Variants in COL28A1 observed in about 807,000 individuals in gnomAD.
COL28A1 encodes collagen alpha-1(XXVIII) chain.
COL28A1 carries 161 observed loss-of-function variants against 150.2 expected under a neutral mutation model. The observed-to-expected ratio is 1.07, with a 90% CI of 0.94 to 1.22. The LOEUF (loss-of-function observed/expected upper bound fraction) is 1.22, where lower values mean the gene tolerates loss of function less well. Ranked by LOEUF, COL28A1 falls within the 50% of genes most tolerant of loss-of-function variation. The pLI, the probability that COL28A1 is intolerant of heterozygous loss-of-function variation, is 0.00. For missense variants in COL28A1, 1,617 were observed against 1,388.3 expected, an observed-to-expected ratio of 1.16 and a Z score of -2.62; for synonymous variants, 552 against 469.7, an observed-to-expected ratio of 1.18 and a Z score of -2.26.
At chr7:7,396,984 C>A (rs985366382) in intron 27 of COL28A1, among the ~76,000 whole-genome samples, 2 of 152,180 alleles carry the variant, frequency 1.3e-5, no homozygotes, top group African/African-American at 4.8e-5. Flanking sequence ...TTCAGAACGG[C>A]TCCCATGGAA....
rs111646002 is a variant in COL28A1, at chr7:7,407,832, T to C, written c.2136+10027A>G. 4.7e-4 allele frequency among the ~76,000 whole-genome samples: 72 copies of C among 152,190 alleles called. 1 individual carries two copies. Among genetic ancestry groups the C allele is most frequent in the South Asian group, 1.9e-3 (9 of 4,818 alleles). On this transcript the variant is annotated intron_variant, in intron 27 of 34. Coordinates refer to ENST00000399429, the MANE Select transcript of COL28A1 (RefSeq NM_001037763.3). ...TTGGGGGCTTAAAAACTGATTAAAATGTAAAACAACAATATCAGGGTAAAG... is the reference window on the plus strand; with the variant it reads ...TTGGGGGCTTAAAAACTGATTAAAACGTAAAACAACAATATCAGGGTAAAG...
chr7:7,506,606 A>G (rs947914664), intron 10 of COL28A1, among the ~76,000 whole-genome samples: 9 of 152,204 alleles, frequency 5.9e-5, no homozygotes, highest in Admixed American at 4.6e-4. Context: ...TTTAGAAGAG[A>G]TAAGTTCCTA....
chr7:7,460,559 T>C (rs1421890311), intron 15 of COL28A1, among the ~76,000 whole-genome samples: 1 of 152,032 alleles, frequency 6.6e-6, no homozygotes, highest in East Asian at 1.9e-4. Flanking sequence ...AATTTTTGTA[T>C]TGTTAGTAGA....
At chr7:7,464,628 A>G (rs977458147) in intron 15 of COL28A1, among the ~76,000 whole-genome samples, 3 of 152,262 alleles carry the variant, frequency 2.0e-5, no homozygotes, top group Non-Finnish European at 4.4e-5. Flanking sequence ...CAATAGTGAC[A>G]CAACCTATGA....
intron 27 of COL28A1, among the ~76,000 whole-genome samples, chr7:7,382,142 T>A (rs1328405501): frequency 6.6e-6 from 1 of 152,068 alleles, no homozygotes; most frequent in African/African-American, 2.4e-5. Context: ...AAATCCTGTC[T>A]CTACTGAAAA....
At chr7:7,361,153 G>A (rs1780632810) in intron 33 of COL28A1, among the ~76,000 whole-genome samples, 1 of 152,050 alleles carries the variant, frequency 6.6e-6, no homozygotes, top group Non-Finnish European at 1.5e-5. Context: ...AATGCTGTAG[G>A]ATGCTTAACA....
chr7:7,338,650 C>T, the COL28A1 span, among the ~76,000 whole-genome samples: 1 of 152,100 alleles, frequency 6.6e-6, no homozygotes, highest in East Asian at 1.9e-4. Context: ...AATTTGACCT[C>T]TTCTTTTCTT....
In COL28A1 at chr7:7,358,636, T is replaced by C. The variant is rs745724966; in HGVS notation, c.3375A>G (p.Gly1125=). The change falls in exon 35 of 35, where the codon GGA becomes GGG. Residue 1125 remains glycine, a synonymous_variant. Transcript: ENST00000399429. The part of the protein sequence containing the change: ...EKECQETCIQ[G] ...AGAGACAGGCCAATTTACTTGCTCA[T>C]CCTTGAATGCAGGTTTCTTGACATT... 6.2e-7 allele frequency: 1 copy of C among 1,613,864 alleles called. No individual in the cohort carries two copies. The highest frequency in any genetic ancestry group is 1.1e-5 in the South Asian group (1 of 91,006).
At chr7:7,363,670 T>C (rs1780786260) in intron 33 of COL28A1, among the ~76,000 whole-genome samples, 1 of 152,190 alleles carries the variant, frequency 6.6e-6, no homozygotes, top group Non-Finnish European at 1.5e-5. Flanking sequence ...TAGGTGCATA[T>C]CCATTTTTTT....
chr7:7,477,257 G>T, intron 13 of COL28A1, 77 bp from the exon 14 acceptor site: 6 of 779,504 alleles, frequency 7.7e-6, no homozygotes, highest in Non-Finnish European at 1.4e-5. Context: ...GAGGAAAGAG[G>T]AAGAAAGAGA....
Position 7,520,693 on chromosome 7 carries a change from T to C in COL28A1, c.760-578A>G, listed in dbSNP as rs184937464. ...AAATGGTGTTGGGGGTACTCGATAA[T>C]GTTAAATAACATATTCTGTGGCTTA... On this transcript the variant is annotated intron_variant, in intron 5 of 34. Coordinates refer to ENST00000399429, the MANE Select transcript of COL28A1 (RefSeq NM_001037763.3). Among the ~76,000 whole-genome samples the C allele has an allele frequency of 2.7e-4, 41 of 152,318 alleles. 1 individual carries two copies. The East Asian group carries it at 7.1e-3, about 26-fold the overall frequency.
In COL28A1 at chr7:7,358,553, T is replaced by C. The variant is rs1780452568; in HGVS notation, c.*80A>G. The C allele has an allele frequency of 2.4e-6, 3 of 1,257,244 alleles. No homozygotes were observed. Among genetic ancestry groups the C allele is most frequent in the Middle Eastern group, 1.9e-4 (1 of 5,206 alleles). 77.9% of individuals were successfully genotyped at this position (1,257,244 alleles called of 1,614,324 possible). On this transcript the variant is annotated 3_prime_UTR_variant, in exon 35 of 35. Coordinates refer to ENST00000399429, the MANE Select transcript of COL28A1 (RefSeq NM_001037763.3). Reference sequence around the variant, plus strand: ...TAAATACTCAGTATACACTCAAATATAGTGCTGTATTTGTATTGGGTGAAT... The same window carrying C: ...TAAATACTCAGTATACACTCAAATACAGTGCTGTATTTGTATTGGGTGAAT...
chr7:7,521,668 G>A (rs1470877158), intron 5 of COL28A1, among the ~76,000 whole-genome samples: 1 of 152,188 alleles, frequency 6.6e-6, no homozygotes, highest in Non-Finnish European at 1.5e-5. Flanking sequence ...TGTCCTTTGT[G>A]GGAACAACTT....
At chr7:7,413,115 T>C (rs1783877534) in intron 27 of COL28A1, among the ~76,000 whole-genome samples, 1 of 152,124 alleles carries the variant, frequency 6.6e-6, no homozygotes, top group Non-Finnish European at 1.5e-5. Flanking sequence ...CTGCAGTCAT[T>C]ACTATTTGCC....
intron 9 of COL28A1, 127 bp downstream of exon 9, chr7:7,510,964 A>T: frequency 1.4e-6 from 1 of 734,606 alleles, no homozygotes; most frequent in Non-Finnish European, 2.4e-6. Flanking sequence ...TACAGATGTG[A>T]AAAATTGAGC....
chr7:7,376,338 A>G (rs535532230), intron 30 of COL28A1, among the ~76,000 whole-genome samples: 1 of 152,372 alleles, frequency 6.6e-6, no homozygotes, highest in Admixed American at 6.5e-5. Flanking sequence ...TTTAAGAACA[A>G]ATCTATAATG....
At chr7:7,498,798 G>A (rs1478442485) in intron 11 of COL28A1, among the ~76,000 whole-genome samples, 2 of 152,058 alleles carry the variant, frequency 1.3e-5, no homozygotes, top group East Asian at 3.9e-4. Context: ...CCATTTTAGT[G>A]CCCCCTTTGA....
At chr7:7,522,368 T>C (rs1458114514) in intron 4 of COL28A1, among the ~76,000 whole-genome samples, 1 of 152,148 alleles carries the variant, frequency 6.6e-6, no homozygotes, top group Non-Finnish European at 1.5e-5. Flanking sequence ...AGCTCAATAA[T>C]ATAATAATAT....
At chr7:7,354,293 CA>C (rs975795705), downstream of COL28A1, among the ~76,000 whole-genome samples, 10 of 151,578 alleles carry the variant, frequency 6.6e-5, no homozygotes, top group African/African-American at 1.5e-4. Flanking sequence ...CGCACCTGGC[CA>C]AAAAAAATTT....
Sources: gnomAD v4.1 joint callset for allele counts (sites outside exome capture counted in the v4.1 genomes callset) on GRCh38, gnomAD v4.1.1 for gene constraint, MANE v1.5 for transcripts, NCBI Gene and HGNC (gene_info 2026-07-23, HGNC 2026-07-21) for gene names.